PRTFDC1: variants seen among roughly 807,000 people sequenced by gnomAD.
The protein encoded by PRTFDC1 is phosphoribosyltransferase domain-containing protein 1.
In PRTFDC1, 38 loss-of-function variants were observed where a neutral mutation model predicts 34.6. The ratio of observed to expected loss-of-function variants is 1.10; its 90% CI spans 0.85 to 1.44. The LOEUF (loss-of-function observed/expected upper bound fraction) is 1.44. Among genes scored for constraint, PRTFDC1 ranks in the 40% most tolerant of loss-of-function variants. PRTFDC1 has a pLI of 0.00. For missense variants in PRTFDC1, 270 were observed against 283.0 expected (o/e 0.95, Z 0.33); for synonymous variants, 93 against 98.1 (o/e 0.95, Z 0.31).
chr10:24,866,853 A>G (rs114932206), intron 4 of PRTFDC1, among the ~76,000 whole-genome samples: 1,648 of 152,040 alleles, frequency 0.011, 33 homozygotes, highest in African/African-American at 0.037. Flanking sequence ...GAATTTTAAA[A>G]AAAGCAAAAA....
At position 24,952,560 on chromosome 10, in the gene PRTFDC1, C is replaced by T. The variant is rs149187045; in HGVS notation, c.16G>A (p.Glu6Lys). ...CCTCGCCCGTAGTCTGGCGCCTCCTCGCTGCTCCCGGCCATGTTTCTCCCG... is the reference window on the plus strand; with the variant it reads ...CCTCGCCCGTAGTCTGGCGCCTCCTTGCTGCTCCCGGCCATGTTTCTCCCG... MAGSSEEAPDYGRGVV... is the reference protein window; with the variant it reads MAGSSKEAPDYGRGVV... The change falls in exon 1 of 9, where the codon GAG becomes AAG. Residue 6 changes from glutamate to lysine, a missense_variant. Physicochemically the swap from Glu to Lys is moderately conservative, Grantham distance 56. Coordinates refer to ENST00000320152, the MANE Select transcript of PRTFDC1 (RefSeq NM_020200.7). This position sits in a 1 kb window ranked among gnomAD's most constrained non-coding sequence, Gnocchi z 5.1. 1.8e-3 allele frequency: 2,874 copies of T among 1,592,126 alleles called. 3 individuals carry two copies. The highest frequency in any genetic ancestry group is 2.2e-3 in the Non-Finnish European group (2,535 of 1,169,332).
chr10:24,861,184 C>T (rs1380837204), intron 4 of PRTFDC1, among the ~76,000 whole-genome samples: 3 of 152,102 alleles, frequency 2.0e-5, no homozygotes, highest in Non-Finnish European at 4.4e-5. Flanking sequence ...ATCTTCAAAT[C>T]AAGGTAATGC....
chr10:24,937,659 G>A (rs893423423), intron 2 of PRTFDC1, among the ~76,000 whole-genome samples: 13 of 151,134 alleles, frequency 8.6e-5, no homozygotes, highest in East Asian at 2.0e-4. Context: ...CTGGGTTCAA[G>A]TGATTCTCCT....
chr10:24,873,572 C>A (rs946330764), intron 3 of PRTFDC1, among the ~76,000 whole-genome samples: 1 of 152,168 alleles, frequency 6.6e-6, no homozygotes, highest in African/African-American at 2.4e-5. Flanking sequence ...AGAGGCCCTC[C>A]CTCTTCCTGG....
At chr10:24,917,866 A>G (rs936706213) in intron 3 of PRTFDC1, among the ~76,000 whole-genome samples, 1 of 152,226 alleles carries the variant, frequency 6.6e-6, no homozygotes, top group East Asian at 1.9e-4. Flanking sequence ...GAGTGGTCAC[A>G]TGCCCGGCTG....
chr10:24,931,606 G>C (rs1267868395), intron 3 of PRTFDC1, among the ~76,000 whole-genome samples: 19 of 151,878 alleles, frequency 1.3e-4, no homozygotes, highest in Admixed American at 1.2e-3. Flanking sequence ...TTTATGTCCA[G>C]AAATGTAAAA....
At chr10:24,928,948 G>A (rs886779682) in intron 3 of PRTFDC1, among the ~76,000 whole-genome samples, 2 of 151,174 alleles carry the variant, frequency 1.3e-5, no homozygotes, top group African/African-American at 4.9e-5. Context: ...GCTGAGGCAG[G>A]AGAATGGGGT....
chr10:24,949,716 T>C lies in PRTFDC1; in HGVS notation c.48+2812A>G, dbSNP rs535628247. ...GTCCAGTTTATACTCATTTTTTTTG[T>C]TTATTTATTTATTTATTTATTTATT... On this transcript the variant is annotated intron_variant, in intron 1 of 8. Transcript: ENST00000320152. Among the ~76,000 whole-genome samples, 15 of 112,166 alleles carry C rather than the reference T, an allele frequency of 1.3e-4. No homozygotes were observed. The East Asian group carries it at 3.3e-3, about 24-fold the overall frequency. The allele number at this position is 112,166 out of a possible 152,430, so 73.6% of individuals were successfully genotyped here. A position where few individuals can be genotyped will look rare whatever the true frequency, so the allele number is the denominator to read the frequency against.
At chr10:24,944,460 T>C (rs274298) in intron 1 of PRTFDC1, among the ~76,000 whole-genome samples, 31,903 of 151,954 alleles carry the variant, frequency 0.21, 3,471 homozygotes, top group East Asian at 0.44. Context: ...TTGCAGCCCC[T>C]CCACATGGAA....
chr10:24,880,807 GTCTTTCTCTTTCTTTCTT>G (rs1565264383), intron 3 of PRTFDC1, among the ~76,000 whole-genome samples: 3 of 140,084 alleles, frequency 2.1e-5, no homozygotes, highest in Admixed American at 1.4e-4. Context: ...CCACTTTACT[GTCTTTCTCTTTCTTTCTT>G]TCTTTCTTTC....
intron 3 of PRTFDC1, among the ~76,000 whole-genome samples, chr10:24,929,040 C>CAAAAAAAA (rs536613455): frequency 2.3e-4 from 17 of 73,576 alleles, no homozygotes; most frequent in Non-Finnish European, 2.9e-4. Context: ...GACTCCGTCT[C>CAAAAAAAA]AAAAAAAAAA....
At chr10:24,903,203 TC>T (rs1250898549) in intron 3 of PRTFDC1, among the ~76,000 whole-genome samples, 1 of 152,024 alleles carries the variant, frequency 6.6e-6, no homozygotes, top group Non-Finnish European at 1.5e-5. Context: ...TGAAACTGCA[TC>T]TCAAGAAAAA....
intron 4 of PRTFDC1, among the ~76,000 whole-genome samples, chr10:24,862,670 T>G (rs191894301): frequency 4.6e-5 from 7 of 150,924 alleles, no homozygotes; most frequent in East Asian, 2.0e-4. Flanking sequence ...GAGACTGTGG[T>G]TTTTTTTTGT....
intron 3 of PRTFDC1, among the ~76,000 whole-genome samples, chr10:24,876,029 G>A (rs1048998634): frequency 2.6e-5 from 4 of 151,856 alleles, no homozygotes; most frequent in Admixed American, 6.6e-5. Context: ...ACTTATCAGA[G>A]CTTTTTAGTA....
intron 3 of PRTFDC1, among the ~76,000 whole-genome samples, chr10:24,899,094 A>G (rs1848412858): frequency 6.6e-6 from 1 of 152,180 alleles, no homozygotes; most frequent in African/African-American, 2.4e-5. Flanking sequence ...GCACTTTGTT[A>G]CAGCAGCCCA....
intron 3 of PRTFDC1, among the ~76,000 whole-genome samples, chr10:24,891,259 T>C (rs1848256618): frequency 6.6e-6 from 1 of 152,184 alleles, no homozygotes; most frequent in Non-Finnish European, 1.5e-5. Flanking sequence ...GAAACTCCAC[T>C]GAGTATGGGT....
chr10:24,935,015 A>G (rs1464419212), intron 3 of PRTFDC1, among the ~76,000 whole-genome samples: 1 of 152,234 alleles, frequency 6.6e-6, no homozygotes, highest in Non-Finnish European at 1.5e-5. Flanking sequence ...CTTTAGGAAA[A>G]GAAAACGTAT....
chr10:24,887,677 C>T (rs1848194049), intron 3 of PRTFDC1, among the ~76,000 whole-genome samples: 1 of 152,142 alleles, frequency 6.6e-6, no homozygotes, highest in Non-Finnish European at 1.5e-5. Context: ...TCCAGCATGG[C>T]TCTCTGTCAC....
Position 24,952,406 on chromosome 10 carries a change from G to T in PRTFDC1, c.48+122C>A. 8.6e-7 allele frequency: 1 copy of T among 1,164,054 alleles called. No individual in the cohort carries two copies. Among genetic ancestry groups the T allele is most frequent in the Non-Finnish European group, 1.2e-6 (1 of 802,930 alleles). The allele number at this position is 1,164,054 out of a possible 1,614,324, so 72.1% of individuals were successfully genotyped here. ...CGAGGATGGAAGCGATCCCCGCCGG[G>T]AGGGAGAACAAAGCGGTGGCCCTCT... On this transcript the variant is annotated intron_variant, in intron 1 of 8. Coordinates refer to ENST00000320152, the MANE Select transcript of PRTFDC1 (RefSeq NM_020200.7). This position sits in a 1 kb window ranked among gnomAD's most constrained non-coding sequence, Gnocchi z 5.1.
Sources: gnomAD v4.1 joint callset for allele counts (sites outside exome capture counted in the v4.1 genomes callset) on GRCh38, gnomAD v4.1.1 for gene constraint, Gnocchi (gnomAD v3.1) non-coding constraint, MANE v1.5 for transcripts, NCBI Gene and HGNC (gene_info 2026-07-23, HGNC 2026-07-21) for gene names.